The following BCL2L13 variants were observed in gnomAD, a reference collection of about 807,000 sequenced individuals.
BCL2L13 encodes the protein bcl-2-like protein 13.
BCL2L13 carries 13 observed loss-of-function variants against 25.8 expected under a neutral mutation model. The ratio of observed to expected loss-of-function variants is 0.50; its 90% CI spans 0.33 to 0.80. The LOEUF (loss-of-function observed/expected upper bound fraction) is 0.80. BCL2L13 is among the 30% of genes least tolerant of loss of function. The probability of loss-of-function intolerance (pLI) is 0.02; values close to 1 mark genes in which losing one functional copy is unlikely to be tolerated. For missense variants in BCL2L13, 504 were observed against 574.9 expected, an observed-to-expected ratio of 0.88 and a Z score of 1.26; for synonymous variants, 244 against 230.3, an observed-to-expected ratio of 1.06 and a Z score of -0.54.
At chr22:17,721,574 G>C (rs904717841) in intron 6 of BCL2L13, among the ~76,000 whole-genome samples, 2 of 143,820 alleles carry the variant, frequency 1.4e-5, no homozygotes, top group East Asian at 4.1e-4. Context: ...ACCCAGGCTG[G>C]AGTGCAGTGG....
intron 1 of BCL2L13, among the ~76,000 whole-genome samples, chr22:17,645,264 CTG>C (rs955310850): frequency 2.3e-5 from 3 of 129,364 alleles, no homozygotes; most frequent in African/African-American, 9.2e-5. Flanking sequence ...GAGTCTCACT[CTG>C]TCACACAGGC....
intron 1 of BCL2L13, among the ~76,000 whole-genome samples, chr22:17,640,171 AC>A (rs67786863): frequency 0.099 from 14,928 of 150,552 alleles, 910 homozygotes; most frequent in African/African-American, 0.16. Flanking sequence ...TTTTTCAACC[AC>A]CCCCGCGCCA....
At chr22:17,641,471 A>G (rs2058281631) in intron 1 of BCL2L13, among the ~76,000 whole-genome samples, 1 of 152,196 alleles carries the variant, frequency 6.6e-6, no homozygotes, top group Admixed American at 6.6e-5. Flanking sequence ...CATGTCATGC[A>G]TTAGCATGAA....
chr22:17,682,772 A>G (rs1197220382), intron 2 of BCL2L13, among the ~76,000 whole-genome samples: 3 of 152,194 alleles, frequency 2.0e-5, no homozygotes, highest in Non-Finnish European at 4.4e-5. Flanking sequence ...TAATTATTGC[A>G]AAAAGGATTT....
At chr22:17,722,061 A>G (rs551400321) in intron 6 of BCL2L13, among the ~76,000 whole-genome samples, 3 of 152,332 alleles carry the variant, frequency 2.0e-5, no homozygotes, top group Admixed American at 2.0e-4. Context: ...TTGCTTATAT[A>G]AACATTTTAT....
intron 2 of BCL2L13, among the ~76,000 whole-genome samples, chr22:17,680,959 G>A (rs2059735370): frequency 6.6e-6 from 1 of 151,932 alleles, no homozygotes; most frequent in Non-Finnish European, 1.5e-5. Context: ...AGGGTGTGGC[G>A]GTCACTGAGA....
At chr22:17,700,574 T>A (rs1332980949) in intron 5 of BCL2L13, among the ~76,000 whole-genome samples, 2 of 152,202 alleles carry the variant, frequency 1.3e-5, no homozygotes, top group African/African-American at 4.8e-5. Context: ...GATACACAGG[T>A]TAGCACCACT....
Position 17,727,238 on chromosome 22 carries a change from G to T in BCL2L13, c.1162G>T (p.Ala388Ser), listed in dbSNP as rs749176101. 2 of 1,614,266 alleles carry T rather than the reference G, an allele frequency of 1.2e-6. 1 individual carries two copies. Among genetic ancestry groups the T allele is most frequent in the Non-Finnish European group, 1.7e-6 (2 of 1,180,046 alleles). The change falls in exon 7 of 7, where the codon GCA (alanine) becomes TCA (serine). Residue 388 changes from alanine (A) to serine (S), a missense_variant. Physicochemically the swap from Ala to Ser is moderately conservative, Grantham distance 99. Coordinates refer to ENST00000317582, the MANE Select transcript of BCL2L13 (RefSeq NM_015367.4). ...ACTTGATGAAGAAGAGGTGAAAGCAGCAACAACTGAACCTACTGAAGTGGA... is the reference window on the plus strand; with the variant it reads ...ACTTGATGAAGAAGAGGTGAAAGCATCAACAACTGAACCTACTGAAGTGGA... ...VELDEEEVKA[A>S]TTEPTEVEEV...
At chr22:17,677,428 T>C (rs1241360789) in intron 2 of BCL2L13, among the ~76,000 whole-genome samples, 1 of 152,160 alleles carries the variant, frequency 6.6e-6, no homozygotes, top group East Asian at 1.9e-4. Flanking sequence ...TTCTTTAATT[T>C]GGTTGCAAAA....
chr22:17,648,759 A>G (rs1195266506), intron 1 of BCL2L13, among the ~76,000 whole-genome samples: 2 of 152,142 alleles, frequency 1.3e-5, no homozygotes, highest in Non-Finnish European at 2.9e-5. Context: ...GATTGCATTT[A>G]TAATTACACA....
At chr22:17,657,636 C>T (rs907422884) in intron 2 of BCL2L13, among the ~76,000 whole-genome samples, 12 of 151,926 alleles carry the variant, frequency 7.9e-5, no homozygotes, top group Admixed American at 5.9e-4. Flanking sequence ...CTCAGCCTTC[C>T]GAGTAGCTGG....
chr22:17,687,102 G>A (rs1459187403), intron 3 of BCL2L13, among the ~76,000 whole-genome samples: 1 of 152,106 alleles, frequency 6.6e-6, no homozygotes, highest in Non-Finnish European at 1.5e-5. Flanking sequence ...AGTAAAATTT[G>A]CAGCCTTATA....
intron 2 of BCL2L13, among the ~76,000 whole-genome samples, chr22:17,671,278 C>T (rs532589972): frequency 1.3e-5 from 2 of 151,764 alleles, no homozygotes; most frequent in South Asian, 4.2e-4. Flanking sequence ...CCTGTAGTCC[C>T]AGCTACTGGG....
intron 2 of BCL2L13, among the ~76,000 whole-genome samples, chr22:17,673,908 C>T (rs1173975515): frequency 3.9e-5 from 6 of 152,094 alleles, no homozygotes; most frequent in Non-Finnish European, 8.8e-5. Context: ...TTCATCTGTA[C>T]ATATAAATCT....
At chr22:17,651,211 G>A (rs981606487) in intron 1 of BCL2L13, among the ~76,000 whole-genome samples, 9 of 151,610 alleles carry the variant, frequency 5.9e-5, no homozygotes, top group African/African-American at 1.9e-4. Flanking sequence ...TGTTGGCCAG[G>A]ATGGTCTTGA....
intron 4 of BCL2L13, among the ~76,000 whole-genome samples, chr22:17,690,431 C>A (rs141940200): frequency 2.6e-5 from 4 of 151,964 alleles, no homozygotes. Context: ...TTTTTTGTTG[C>A]GTAGTATTGT....
At chr22:17,632,594 G>A (rs2058047498) in intron 1 of BCL2L13, among the ~76,000 whole-genome samples, 1 of 152,050 alleles carries the variant, frequency 6.6e-6, no homozygotes, top group African/African-American at 2.4e-5. Flanking sequence ...TTTTTACAGT[G>A]TTCTGCAAAT....
rs572251171 is a variant in BCL2L13, at chr22:17,727,966, G to T, written c.*432G>T. On this transcript the variant is annotated 3_prime_UTR_variant, in exon 7 of 7. Transcript: ENST00000317582. ...TGAACATCCCCTATTGAGACCCACT[G>T]CTTTAGCGAGAGAGGGTTTACTTAG... 5 of 177,810 alleles carry T rather than the reference G, an allele frequency of 2.8e-5. No individual in the cohort carries two copies. The highest frequency in any genetic ancestry group is 4.7e-5 in the African/African-American group (2 of 42,564). 11.0% of individuals were successfully genotyped at this position (177,810 alleles called of 1,614,324 possible). A position where few individuals can be genotyped will look rare whatever the true frequency, so the allele number is the denominator to read the frequency against.
intron 4 of BCL2L13, 21 bp downstream of exon 4, chr22:17,689,163 G>T (rs1334687093): frequency 5.6e-6 from 9 of 1,611,042 alleles, no homozygotes; most frequent in Non-Finnish European, 7.6e-6. Flanking sequence ...CTGCTGAGTG[G>T]GATGTGCTTC....
Sources: allele counts gnomAD v4.1 joint callset (sites outside exome capture counted in the v4.1 genomes callset), GRCh38; gene constraint gnomAD v4.1.1; transcripts MANE v1.5; gene names NCBI Gene and HGNC (gene_info 2026-07-23, HGNC 2026-07-21).